The following FAM3C variants were observed in gnomAD, a reference collection of about 807,000 sequenced individuals.
The protein encoded by FAM3C is FAM3 metabolism regulating signaling molecule C.
In FAM3C, 15 loss-of-function variants were observed where a neutral mutation model predicts 32.5. The ratio of observed to expected loss-of-function variants is 0.46; its 90% CI spans 0.31 to 0.71. The LOEUF (loss-of-function observed/expected upper bound fraction) is 0.71, where lower values mean the gene tolerates loss of function less well. Ranked by LOEUF, FAM3C falls within the 30% of genes least tolerant of loss-of-function variation. The pLI, the probability that FAM3C is intolerant of heterozygous loss-of-function variation, is 0.05. For synonymous variants in FAM3C, 75 were observed against 86.1 expected (o/e 0.87, Z 0.72); for missense variants, 175 against 274.4 (o/e 0.64, Z 2.56).
At chr7:121,369,779 G>A (rs1488711440) in intron 5 of FAM3C, among the ~76,000 whole-genome samples, 2 of 152,182 alleles carry the variant, frequency 1.3e-5, no homozygotes, top group Non-Finnish European at 2.9e-5. Context: ...GAAGAGTGAG[G>A]AAAGACCATC....
Position 121,351,155 on chromosome 7 carries a change from G to A in FAM3C, c.582C>T (p.Ser194=), listed in dbSNP as rs1187789480. The A allele has an allele frequency of 1.2e-6, 2 of 1,613,122 alleles. No individual in the cohort carries two copies. Among genetic ancestry groups the A allele is most frequent in the African/African-American group, 2.7e-5 (2 of 74,836 alleles). The change falls in exon 9 of 10, where the codon AGC becomes AGT. Residue 194 remains serine (S), a synonymous_variant. Coordinates refer to ENST00000359943, the MANE Select transcript of FAM3C (RefSeq NM_014888.3). ...CTATGACACTAACCTGTTCAAAAGG[G>A]CTTTTTGTCTTAATGCCCTTCCCAC... ...FCGGKGIKTK[S]PFEQHIKNNK... is the part of the protein sequence containing the mutation.
intron 5 of FAM3C, chr7:121,364,484 G>A (rs1793985543): frequency 3.4e-6 from 1 of 290,134 alleles, no homozygotes; most frequent in Non-Finnish European, 6.4e-6. Context: ...TTAAAACATG[G>A]ACATTAAGCA....
At chr7:121,394,249 CA>C (rs1355590428) in intron 1 of FAM3C, among the ~76,000 whole-genome samples, 1 of 152,212 alleles carries the variant, frequency 6.6e-6, no homozygotes, top group Admixed American at 6.5e-5. Flanking sequence ...GATACCCCCT[CA>C]GGGAACATTA....
intron 5 of FAM3C, among the ~76,000 whole-genome samples, chr7:121,367,746 T>C (rs1173161625): frequency 6.6e-6 from 1 of 152,078 alleles, no homozygotes; most frequent in Admixed American, 6.5e-5. Context: ...GTGGGAAGAC[T>C]GCTTGAACCC....
intron 7 of FAM3C, among the ~76,000 whole-genome samples, chr7:121,361,174 G>A (rs1793912387): frequency 6.6e-6 from 1 of 152,106 alleles, no homozygotes. Flanking sequence ...CAGATACATA[G>A]GTCAGATTCT....
intron 8 of FAM3C, among the ~76,000 whole-genome samples, chr7:121,358,334 TTAAAATCTA>T (rs1050119176): frequency 3.9e-5 from 6 of 152,064 alleles, no homozygotes; most frequent in Admixed American, 2.0e-4. Context: ...GCTCTGTCAA[TTAAAATCTA>T]TAAAATCTAT....
intron 3 of FAM3C, among the ~76,000 whole-genome samples, chr7:121,373,842 G>T (rs1433522475): frequency 6.6e-6 from 1 of 151,402 alleles, no homozygotes; most frequent in East Asian, 1.9e-4. Flanking sequence ...CTAACACGGT[G>T]AAACCCCATC....
At chr7:121,361,849 T>C (rs192121657) in intron 7 of FAM3C, among the ~76,000 whole-genome samples, 42 of 152,260 alleles carry the variant, frequency 2.8e-4, no homozygotes, top group African/African-American at 9.9e-4. Context: ...CGGCTAATTT[T>C]TGTATTTTTA....
chr7:121,380,223 G>A (rs1422768228), intron 2 of FAM3C: 1 of 152,112 alleles, frequency 6.6e-6, no homozygotes, highest in Non-Finnish European at 1.5e-5. Flanking sequence ...TTATTTTCTA[G>A]CAATCATAGG....
At chr7:121,372,069 C>CCTAAGAATGCCTA (rs749315453) in intron 4 of FAM3C, 41 bp downstream of exon 4, 53 of 1,494,522 alleles carry the variant, frequency 3.5e-5, no homozygotes, top group Non-Finnish European at 4.6e-5. Context: ...ATGCCTAAGG[C>CCTAAGAATGCCTA]AGAATAAATC....
At chr7:121,385,938 A>G (rs1399075551) in intron 1 of FAM3C, among the ~76,000 whole-genome samples, 1 of 152,174 alleles carries the variant, frequency 6.6e-6, no homozygotes, top group African/African-American at 2.4e-5. Flanking sequence ...CTAGGGTCAC[A>G]TGAAGGGTAA....
At chr7:121,378,737 A>G (rs536939777) in intron 3 of FAM3C, among the ~76,000 whole-genome samples, 173 bp downstream of exon 3, 4 of 152,214 alleles carry the variant, frequency 2.6e-5, no homozygotes, top group Non-Finnish European at 5.9e-5. Flanking sequence ...TTTATACTAA[A>G]TTAATTCCAA....
intron 8 of FAM3C, among the ~76,000 whole-genome samples, chr7:121,358,077 T>G (rs191869734): frequency 3.1e-4 from 47 of 152,294 alleles, no homozygotes; most frequent in Admixed American, 1.5e-3. Flanking sequence ...TCCTGTTTCA[T>G]TCTATTTAGG....
intron 6 of FAM3C, 66 bp downstream of exon 6, chr7:121,364,064 G>A (rs1793976703): frequency 3.9e-6 from 4 of 1,021,862 alleles, no homozygotes; most frequent in Admixed American, 3.4e-5. Context: ...CTCTGATAGT[G>A]CATTTTACTT....
At chr7:121,386,094 C>T (rs956173300) in intron 1 of FAM3C, among the ~76,000 whole-genome samples, 15 of 152,106 alleles carry the variant, frequency 9.9e-5, no homozygotes, top group African/African-American at 3.6e-4. Context: ...TACAAACTAC[C>T]CACTCCAGCA....
In FAM3C at chr7:121,349,506, T is replaced by A. The variant is rs1328834774; in HGVS notation, c.*955A>T. 1.3e-5 allele frequency: 2 copies of A among 152,168 alleles called. No homozygotes were observed. The highest frequency in any genetic ancestry group is 2.9e-5 in the Non-Finnish European group (2 of 68,024). 9.4% of individuals were successfully genotyped at this position (152,168 alleles called of 1,614,324 possible). On this transcript the variant is annotated 3_prime_UTR_variant, in exon 10 of 10. Coordinates refer to ENST00000359943, the MANE Select transcript of FAM3C (RefSeq NM_014888.3). ...CTTTTGTAAATATGCCACTATAGCT[T>A]CGGGCAATAATTGCTATTATGAAGT... is the stretch of plus-strand genomic sequence containing the variant.
chr7:121,374,871 C>A (rs1794211552), intron 3 of FAM3C, among the ~76,000 whole-genome samples: 1 of 152,216 alleles, frequency 6.6e-6, no homozygotes, highest in Non-Finnish European at 1.5e-5. Flanking sequence ...TTGTTCATAG[C>A]TGACTACCAG....
intron 1 of FAM3C, among the ~76,000 whole-genome samples, chr7:121,383,702 T>C (rs935647682): frequency 6.6e-6 from 1 of 152,184 alleles, no homozygotes; most frequent in African/African-American, 2.4e-5. Context: ...AAACAGATGC[T>C]GGAAAAAAAT....
At chr7:121,372,794 G>C (rs1445877551) in intron 3 of FAM3C, among the ~76,000 whole-genome samples, 1 of 152,164 alleles carries the variant, frequency 6.6e-6, no homozygotes, top group Non-Finnish European at 1.5e-5. Flanking sequence ...ATTGTGGACA[G>C]CCATTTCCTG....
Sources: allele counts gnomAD v4.1 joint callset (sites outside exome capture counted in the v4.1 genomes callset), GRCh38; gene constraint gnomAD v4.1.1; transcripts MANE v1.5; gene names NCBI Gene and HGNC (gene_info 2026-07-23, HGNC 2026-07-21).